GRID2: variants seen among roughly 807,000 people sequenced by gnomAD.
The protein encoded by GRID2 is glutamate receptor ionotropic, delta-2.
In GRID2, 33 loss-of-function variants were observed where a neutral mutation model predicts 114.8. The observed-to-expected ratio is 0.29, with a 90% CI of 0.22 to 0.38. The LOEUF (loss-of-function observed/expected upper bound fraction) is 0.38. Among genes scored for constraint, GRID2 ranks in the 10% least tolerant of loss-of-function variants. The pLI is 1.00. For missense variants in GRID2, 1,184 were observed against 1,257.7 expected (o/e 0.94, Z 0.89); for synonymous variants, 505 against 449.9 (o/e 1.12, Z -1.55).
intron 2 of GRID2, among the ~76,000 whole-genome samples, chr4:92,911,711 A>G (rs1291689922): frequency 6.6e-6 from 1 of 151,898 alleles, no homozygotes. Flanking sequence ...ACAGAACTGC[A>G]TCTCTAAATC....
At chr4:93,074,737 A>C (rs1729107559) in intron 2 of GRID2, among the ~76,000 whole-genome samples, 1 of 152,176 alleles carries the variant, frequency 6.6e-6, no homozygotes, top group Non-Finnish European at 1.5e-5. Context: ...AAAAGTGATA[A>C]ACCTTTAGCC....
intron 2 of GRID2, among the ~76,000 whole-genome samples, chr4:93,071,688 A>T (rs1048047519): frequency 6.6e-6 from 1 of 152,108 alleles, no homozygotes; most frequent in African/African-American, 2.4e-5. Context: ...GAGTGAGCCA[A>T]AATAGAGTGA....
intron 2 of GRID2, among the ~76,000 whole-genome samples, chr4:92,716,165 A>G (rs1735537087): frequency 1.3e-5 from 2 of 152,218 alleles, no homozygotes; most frequent in Admixed American, 6.5e-5. Context: ...CTAAATGAAT[A>G]CAACACATTT....
At chr4:93,306,790 T>C (rs1438004984) in intron 8 of GRID2, among the ~76,000 whole-genome samples, 1 of 152,226 alleles carries the variant, frequency 6.6e-6, no homozygotes, top group Non-Finnish European at 1.5e-5. Context: ...GGCGTTCTTG[T>C]TCTTTCTTGC....
intron 2 of GRID2, among the ~76,000 whole-genome samples, chr4:92,702,080 A>G (rs1038223253): frequency 2.1e-4 from 32 of 152,160 alleles, no homozygotes; most frequent in Admixed American, 2.1e-3. Context: ...TGTTTGTTCA[A>G]TGATTAAAGT....
At position 92,807,865 on chromosome 4, in the gene GRID2, A is replaced by G. The variant is rs567513669; in HGVS notation, c.244+217579A>G. On this transcript the variant is annotated intron_variant, in intron 2 of 15. Transcript: ENST00000282020. The stretch of plus-strand genomic sequence containing the variant: ...TGTATTATTTTGTGGAAATCAGCTT[A>G]AATGAACATTATTAAGTATTGTGGT... Among the ~76,000 whole-genome samples, 6 of 152,168 alleles carry G rather than the reference A, an allele frequency of 3.9e-5. No individual in the cohort carries two copies. The South Asian group carries it at 1.0e-3, about 26-fold the overall frequency.
At chr4:93,273,125 C>T (rs1054581321) in intron 8 of GRID2, among the ~76,000 whole-genome samples, 17 of 152,174 alleles carry the variant, frequency 1.1e-4, no homozygotes, top group Non-Finnish European at 2.4e-4. Flanking sequence ...TGTATTTATG[C>T]AGTTATTGTT....
intron 2 of GRID2, among the ~76,000 whole-genome samples, chr4:93,052,572 A>G (rs1357174567): frequency 6.6e-6 from 1 of 151,960 alleles, no homozygotes; most frequent in Non-Finnish European, 1.5e-5. Flanking sequence ...GTATCTAAAC[A>G]TATCTATATG....
At chr4:93,487,141 G>A (rs1433961592) in intron 11 of GRID2, among the ~76,000 whole-genome samples, 1 of 151,606 alleles carries the variant, frequency 6.6e-6, no homozygotes, top group Non-Finnish European at 1.5e-5. Context: ...TGTAACATCT[G>A]TAACAATGTA....
At chr4:92,317,135 CT>C (rs1487540660) in intron 1 of GRID2, among the ~76,000 whole-genome samples, 6 of 151,920 alleles carry the variant, frequency 3.9e-5, no homozygotes, top group Non-Finnish European at 5.9e-5. Context: ...ATAAAATTGC[CT>C]TTTTTACTCT....
rs367698811 is a variant in GRID2 at position 93,144,750 on chromosome 4, A to G, written c.735+33797A>G. On this transcript the variant is annotated intron_variant, in intron 4 of 15. Transcript: ENST00000282020. The stretch of plus-strand genomic sequence containing the variant: ...AATAAATGGCTTCTGTTGCTTAAAC[A>G]ACAATATTTCTTCATCAAAATACTG... 1.6e-4 allele frequency among the ~76,000 whole-genome samples: 22 copies of G among 133,742 alleles called. 1 individual carries two copies. Among genetic ancestry groups the G allele is most frequent in the African/African-American group, 5.8e-4 (20 of 34,254 alleles). 87.7% of individuals were successfully genotyped at this position (133,742 alleles called of 152,430 possible).
At chr4:93,488,516 A>T (rs140299346) in intron 11 of GRID2, among the ~76,000 whole-genome samples, 1 of 152,040 alleles carries the variant, frequency 6.6e-6, no homozygotes, top group Non-Finnish European at 1.5e-5. Flanking sequence ...AATCCTGTTA[A>T]GTCATTCACG....
chr4:92,571,975 T>G (rs1447090333), intron 1 of GRID2, among the ~76,000 whole-genome samples: 1 of 151,902 alleles, frequency 6.6e-6, no homozygotes, highest in African/African-American at 2.4e-5. Context: ...TTAAAAGAAC[T>G]AGAGAAGCAA....
At chr4:93,597,599 T>C (rs1474742849) in intron 13 of GRID2, among the ~76,000 whole-genome samples, 1 of 152,228 alleles carries the variant, frequency 6.6e-6, no homozygotes, top group African/African-American at 2.4e-5. Context: ...GAACCATCCC[T>C]GTCCCTATTG....
At chr4:93,712,568 TCTC>T (rs981093874) in intron 14 of GRID2, among the ~76,000 whole-genome samples, 2 of 152,154 alleles carry the variant, frequency 1.3e-5, no homozygotes, top group African/African-American at 4.8e-5. Context: ...TTTCACCCCT[TCTC>T]CTCCCCAAAA....
At chr4:93,762,274 T>C (rs191222804) in intron 14 of GRID2, among the ~76,000 whole-genome samples, 87 of 152,134 alleles carry the variant, frequency 5.7e-4, no homozygotes, top group African/African-American at 2.1e-3. Context: ...TTAAACAGTA[T>C]TGAGTAATGG....
At chr4:92,922,499 C>T (rs760460159) in intron 2 of GRID2, among the ~76,000 whole-genome samples, 1 of 152,046 alleles carries the variant, frequency 6.6e-6, no homozygotes, top group Non-Finnish European at 1.5e-5. Flanking sequence ...CCCCCAGAAA[C>T]TGACACTTAA....
intron 2 of GRID2, among the ~76,000 whole-genome samples, chr4:93,013,734 G>A (rs1722411039): frequency 6.6e-6 from 1 of 151,578 alleles, no homozygotes; most frequent in Non-Finnish European, 1.5e-5. Flanking sequence ...TAGAAATTTT[G>A]ATTACTTCTT....
At chr4:93,196,644 C>T (rs1350722533) in intron 4 of GRID2, among the ~76,000 whole-genome samples, 1 of 152,112 alleles carries the variant, frequency 6.6e-6, no homozygotes, top group Admixed American at 6.6e-5. Flanking sequence ...TACCAAGCTA[C>T]ACAAAGACTT....
Sources: allele counts gnomAD v4.1 joint callset (sites outside exome capture counted in the v4.1 genomes callset), GRCh38; gene constraint gnomAD v4.1.1; transcripts MANE v1.5; gene names NCBI Gene and HGNC (gene_info 2026-07-23, HGNC 2026-07-21).